The following DNM2 variants were observed in gnomAD, a reference collection of about 807,000 sequenced individuals.
DNM2 encodes the protein dynamin 2.
In DNM2, 15 loss-of-function variants were observed where a neutral mutation model predicts 99.0. The ratio of observed to expected loss-of-function variants is 0.15; its 90% CI spans 0.10 to 0.23. The LOEUF (loss-of-function observed/expected upper bound fraction) is 0.23. Ranked by LOEUF, DNM2 falls within the 10% of genes least tolerant of loss-of-function variation. The pLI is 1.00. For missense variants in DNM2, 742 were observed against 1,189.4 expected, an observed-to-expected ratio of 0.62 and a Z score of 5.53; for synonymous variants, 525 against 481.2, an observed-to-expected ratio of 1.09 and a Z score of -1.19.
chr19:10,724,622 A>C (rs1451328087), intron 1 of DNM2, among the ~76,000 whole-genome samples: 1 of 152,170 alleles, frequency 6.6e-6, no homozygotes, highest in Non-Finnish European at 1.5e-5. Context: ...TTAGCAGGCC[A>C]GTGGAGGGAG....
chr19:10,748,061 G>A (rs2070056064), intron 1 of DNM2, among the ~76,000 whole-genome samples: 1 of 152,154 alleles, frequency 6.6e-6, no homozygotes, highest in Admixed American at 6.5e-5. Flanking sequence ...GGGAGGTGAG[G>A]ACAGGAAGGT....
intron 1 of DNM2, among the ~76,000 whole-genome samples, chr19:10,754,367 C>T (rs1242799962): frequency 1.3e-5 from 2 of 151,030 alleles, no homozygotes; most frequent in Non-Finnish European, 2.9e-5. Context: ...GCGATTCTGC[C>T]TCAGCCTCCT....
rs182706654 is a variant in DNM2, at chr19:10,791,711, C to A, written c.993-2009C>A. On this transcript the variant is annotated intron_variant, in intron 7 of 20. Coordinates refer to ENST00000389253, the MANE Select transcript of DNM2 (RefSeq NM_001005361.3). ...TCCTTGCCTAACCCTCCCCCTCCCC[C>A]CGTCGCCCAGTCTGTTGTCTGTCAT... 7.0e-4 allele frequency among the ~76,000 whole-genome samples: 107 copies of A among 152,252 alleles called. 3 individuals carry two copies. The East Asian group carries it at 0.019, about 26-fold the overall frequency.
At chr19:10,768,180 G>A (rs1471861562) in intron 2 of DNM2, among the ~76,000 whole-genome samples, 5 of 151,910 alleles carry the variant, frequency 3.3e-5, no homozygotes, top group African/African-American at 7.3e-5. Flanking sequence ...CTGGCCGGGC[G>A]CGGTGGCTCA....
At chr19:10,740,999 G>T (rs900343097) in intron 1 of DNM2, among the ~76,000 whole-genome samples, 1 of 152,084 alleles carries the variant, frequency 6.6e-6, no homozygotes, top group African/African-American at 2.4e-5. Context: ...CCTCGAATAC[G>T]GTGTGTCCTG....
intron 6 of DNM2, among the ~76,000 whole-genome samples, chr19:10,783,702 A>AT (rs1335201078): frequency 4.1e-4 from 58 of 142,530 alleles, no homozygotes; most frequent in African/African-American, 1.1e-3. Flanking sequence ...TATTATTATT[A>AT]TTATTTTTTA....
chr19:10,819,402 C>T (rs1462330477), intron 15 of DNM2, among the ~76,000 whole-genome samples: 1 of 152,196 alleles, frequency 6.6e-6, no homozygotes. Context: ...TGTAAAATGG[C>T]ATCACAGAGG....
At chr19:10,741,645 G>C (rs2069754159) in intron 1 of DNM2, among the ~76,000 whole-genome samples, 1 of 151,912 alleles carries the variant, frequency 6.6e-6, no homozygotes, top group South Asian at 2.1e-4. Flanking sequence ...CGCCTCCCGG[G>C]TTCACGCCAT....
intron 12 of DNM2, among the ~76,000 whole-genome samples, chr19:10,803,000 C>G (rs975055473): frequency 4.6e-5 from 7 of 152,286 alleles, no homozygotes; most frequent in African/African-American, 1.7e-4. Flanking sequence ...TGAGGCAGGC[C>G]GGGTGGTGCC....
rs58263525 is a variant in DNM2, at chr19:10,794,344, C to CGTGTGTGTGTGTGTGTGTGT, written c.1128+505_1128+524dup. On this transcript the variant is annotated intron_variant, in intron 8 of 20. Coordinates refer to ENST00000389253, the MANE Select transcript of DNM2 (RefSeq NM_001005361.3). ...TGCTAGGATTTGGGACTTCTTTTTC[C>CGTGTGTGTGTGTGTGTGTGT]GTGTGTGTGTGTGTGTGTGTGTGTG... Among the ~76,000 whole-genome samples the CGTGTGTGTGTGTGTGTGTGT allele has an allele frequency of 8.8e-4, 125 of 141,696 alleles. 1 individual carries two copies. The highest frequency in any genetic ancestry group is 1.2e-3 in the Non-Finnish European group (79 of 64,306). The allele number at this position is 141,696 out of a possible 152,430, so 93.0% of individuals were successfully genotyped here.
intron 15 of DNM2, among the ~76,000 whole-genome samples, chr19:10,814,833 TTC>T (rs1165517741): frequency 6.6e-6 from 1 of 152,246 alleles, no homozygotes; most frequent in African/African-American, 2.4e-5. Context: ...ATCAACCCGT[TTC>T]TTGCTTAATT....
rs954508259 is a variant in DNM2, at chr19:10,777,639, A to G, written c.688+423A>G. On this transcript the variant is annotated intron_variant, in intron 5 of 20. Coordinates refer to ENST00000389253, the MANE Select transcript of DNM2 (RefSeq NM_001005361.3). ...ACGGAGTTTTTGCTCTTGTCACCCAAGCTATAGTACAGTGGCACAATCTCA... is the reference window on the plus strand; with the variant it reads ...ACGGAGTTTTTGCTCTTGTCACCCAGGCTATAGTACAGTGGCACAATCTCA... Among the ~76,000 whole-genome samples the G allele has an allele frequency of 2.6e-5, 4 of 151,962 alleles. 1 individual carries two copies. The South Asian group carries it at 8.3e-4, about 32-fold the overall frequency.
chr19:10,748,419 C>T (rs866525673), intron 1 of DNM2, among the ~76,000 whole-genome samples: 6 of 152,266 alleles, frequency 3.9e-5, no homozygotes, highest in Middle Eastern at 3.4e-3. Flanking sequence ...GGGTTTCTCC[C>T]CTCCCTGCCC....
chr19:10,745,829 GAGTTGA>G (rs1160630665), intron 1 of DNM2, among the ~76,000 whole-genome samples: 1 of 152,226 alleles, frequency 6.6e-6, no homozygotes, highest in Non-Finnish European at 1.5e-5. Flanking sequence ...GGTGACATCT[GAGTTGA>G]GTCCCTGGTA....
chr19:10,765,457 G>C lies in DNM2; in HGVS notation c.235+5646G>C, dbSNP rs1402293688. On this transcript the variant is annotated intron_variant, in intron 2 of 20. Transcript: ENST00000389253. This position sits in a 1 kb window ranked among gnomAD's most constrained non-coding sequence, Gnocchi z 4.4. ...GTTACTTTACCAAGCATCTTCCCCTGGTGAGCCTGGTCCATCACTCTGCCA... is the reference window on the plus strand; with the variant it reads ...GTTACTTTACCAAGCATCTTCCCCTCGTGAGCCTGGTCCATCACTCTGCCA... Among the ~76,000 whole-genome samples the C allele has an allele frequency of 6.6e-6, 1 of 152,218 alleles. No homozygotes were observed. The highest frequency in any genetic ancestry group is 2.4e-5 in the African/African-American group (1 of 41,454).
rs746451388 is a variant in DNM2, at chr19:10,718,434, G to T, written c.161+31G>T. On this transcript the variant is annotated intron_variant, in intron 1 of 20. Coordinates refer to ENST00000389253, the MANE Select transcript of DNM2 (RefSeq NM_001005361.3). ...CGGGCGCGGCAGGGATCGCGGGCGG[G>T]TGGCGGCCTAGGGCGCGGAGGGCGG... The T allele has an allele frequency of 3.8e-5, 54 of 1,418,776 alleles. No individual in the cohort carries two copies. In the African/African-American group the frequency reaches 7.4e-4, roughly 19 times the overall value. 87.9% of individuals were successfully genotyped at this position (1,418,776 alleles called of 1,614,324 possible). A position where few individuals can be genotyped will look rare whatever the true frequency, so the allele number is the denominator to read the frequency against.
chr19:10,746,913 T>A (rs995878374), intron 1 of DNM2, among the ~76,000 whole-genome samples: 6 of 151,762 alleles, frequency 4.0e-5, no homozygotes, highest in Non-Finnish European at 8.8e-5. Flanking sequence ...ATTTTTGTAT[T>A]TTTAGTAGAG....
At chr19:10,722,537 G>T (rs1406259385) in intron 1 of DNM2, among the ~76,000 whole-genome samples, 2 of 150,786 alleles carry the variant, frequency 1.3e-5, no homozygotes, top group Admixed American at 6.6e-5. Flanking sequence ...TAGAGACGAG[G>T]TTTCACCATG....
At chr19:10,726,846 G>T (rs948908736) in intron 1 of DNM2, among the ~76,000 whole-genome samples, 7 of 152,164 alleles carry the variant, frequency 4.6e-5, no homozygotes, top group African/African-American at 1.7e-4. Flanking sequence ...CTGGGCAACA[G>T]AGCGAGACTC....
Sources: allele counts gnomAD v4.1 joint callset (sites outside exome capture counted in the v4.1 genomes callset), GRCh38; gene constraint gnomAD v4.1.1; non-coding constraint Gnocchi (gnomAD v3.1); transcripts MANE v1.5; gene names NCBI Gene and HGNC (gene_info 2026-07-23, HGNC 2026-07-21).